The following DPP10 variants were observed in gnomAD, a reference collection of about 807,000 sequenced individuals.
The protein encoded by DPP10 is inactive dipeptidyl peptidase 10.
DPP10 carries 33 observed loss-of-function variants against 120.9 expected under a neutral mutation model. The observed-to-expected ratio is 0.27, with a 90% CI of 0.21 to 0.37. The LOEUF (loss-of-function observed/expected upper bound fraction) is 0.37, where lower values mean the gene tolerates loss of function less well. Ranked by LOEUF, DPP10 falls within the 10% of genes least tolerant of loss-of-function variation. The pLI is 1.00. For synonymous variants in DPP10, 337 were observed against 326.1 expected, an observed-to-expected ratio of 1.03 and a Z score of -0.36; for missense variants, 816 against 942.8, an observed-to-expected ratio of 0.87 and a Z score of 1.76.
intron 5 of DPP10, among the ~76,000 whole-genome samples, chr2:115,535,496 T>C (rs954887838): frequency 6.6e-6 from 1 of 151,778 alleles, no homozygotes; most frequent in African/African-American, 2.4e-5. Context: ...ACCACTACCA[T>C]GCTGTTTTGG....
chr2:115,609,018 A>G (rs1273610185), intron 5 of DPP10, among the ~76,000 whole-genome samples: 1 of 152,168 alleles, frequency 6.6e-6, no homozygotes, highest in African/African-American at 2.4e-5. Context: ...GAAACAATCT[A>G]TGAACAATAG....
chr2:114,765,457 G>A (rs1160089732), intron 1 of DPP10, among the ~76,000 whole-genome samples: 1 of 152,076 alleles, frequency 6.6e-6, no homozygotes, highest in African/African-American at 2.4e-5. Flanking sequence ...TGAACAAAGA[G>A]GCACTACTAG....
chr2:114,735,047 C>T (rs1164865500), intron 1 of DPP10, among the ~76,000 whole-genome samples: 1 of 152,068 alleles, frequency 6.6e-6, no homozygotes, highest in African/African-American at 2.4e-5. Flanking sequence ...GGGTACCGAT[C>T]AGATTGCATT....
At chr2:115,798,531 G>A (rs1029509459) in intron 19 of DPP10, among the ~76,000 whole-genome samples, 4 of 152,064 alleles carry the variant, frequency 2.6e-5, no homozygotes, top group African/African-American at 9.7e-5. Context: ...GTAAGGCTGT[G>A]TAGCATGTAA....
intron 9 of DPP10, 31 bp downstream of exon 9, chr2:115,739,924 T>TTC (rs774651253): frequency 3.2e-6 from 5 of 1,573,360 alleles, no homozygotes; most frequent in Non-Finnish European, 3.5e-6. Context: ...ATTTTGTTCC[T>TTC]TCTCTCTCTC....
At chr2:115,640,468 GA>G (rs562455576) in intron 5 of DPP10, among the ~76,000 whole-genome samples, 6,848 of 133,644 alleles carry the variant, frequency 0.051, 425 homozygotes, top group African/African-American at 0.16. Flanking sequence ...AAGAAGAAAG[GA>G]AAAAAAAAAA....
intron 1 of DPP10, among the ~76,000 whole-genome samples, chr2:115,245,977 A>G (rs945415615): frequency 1.3e-5 from 2 of 152,174 alleles, no homozygotes; most frequent in African/African-American, 4.8e-5. Flanking sequence ...TTAGAAAAAC[A>G]TATTCAATGA....
intron 1 of DPP10, among the ~76,000 whole-genome samples, chr2:114,593,677 A>G (rs1691646092): frequency 6.6e-6 from 1 of 152,168 alleles, no homozygotes; most frequent in Non-Finnish European, 1.5e-5. Context: ...TGTAGGGTTC[A>G]CATCCATTGT....
At position 115,677,882 on chromosome 2, in the gene DPP10, A is replaced by G. The variant is rs141312773; in HGVS notation, c.442-11805A>G. Among the ~76,000 whole-genome samples the G allele has an allele frequency of 1.3e-3, 201 of 152,358 alleles. 1 individual carries two copies. The highest frequency in any genetic ancestry group is 4.6e-3 in the African/African-American group (191 of 41,582). ...TATCATCTAGACAGAGAGTCAAGAA[A>G]CATAGGTCTTAAACTGCACTTAACA... On this transcript the variant is annotated intron_variant, in intron 5 of 25. Transcript: ENST00000410059.
intron 1 of DPP10, among the ~76,000 whole-genome samples, chr2:115,000,505 T>C (rs1203319484): frequency 1.3e-5 from 2 of 152,180 alleles, no homozygotes; most frequent in African/African-American, 4.8e-5. Flanking sequence ...TATTTAGGAA[T>C]AAATTTGCAT....
At chr2:114,819,700 C>G (rs1212048501) in intron 1 of DPP10, among the ~76,000 whole-genome samples, 1 of 152,164 alleles carries the variant, frequency 6.6e-6, no homozygotes, top group East Asian at 1.9e-4. Flanking sequence ...CAGATTGGTT[C>G]AAATTAACCC....
intron 19 of DPP10, among the ~76,000 whole-genome samples, chr2:115,796,598 C>T (rs1277160176): frequency 2.0e-5 from 3 of 151,980 alleles, no homozygotes; most frequent in Admixed American, 6.6e-5. Flanking sequence ...GAATGAGACG[C>T]GAGTTTCTAA....
intron 5 of DPP10, among the ~76,000 whole-genome samples, chr2:115,653,435 T>G (rs1280101607): frequency 6.6e-6 from 1 of 151,998 alleles, no homozygotes; most frequent in African/African-American, 2.4e-5. Context: ...ACAACAAATC[T>G]GCCATCTACA....
At chr2:115,545,580 A>AG (rs948438985) in intron 5 of DPP10, among the ~76,000 whole-genome samples, 4 of 152,170 alleles carry the variant, frequency 2.6e-5, no homozygotes, top group Admixed American at 6.6e-5. Context: ...TTTGCACAAC[A>AG]GTGAGAGACT....
In DPP10 at chr2:115,782,264, TG is replaced by T. The variant is rs200416819; in HGVS notation, c.1484-82del. On this transcript the variant is annotated intron_variant, in intron 16 of 25. Transcript: ENST00000410059. The stretch of plus-strand genomic sequence containing the variant: ...GTTTTAACCACGAAGTGCTTCCATT[TG>T]GGGGGAAAAAACTATTATGTAAACT... 40 of 1,161,620 alleles carry T rather than the reference TG, an allele frequency of 3.4e-5. No homozygotes were observed. The African/African-American group carries it at 5.3e-4, about 15-fold the overall frequency. 72.0% of individuals were successfully genotyped at this position (1,161,620 alleles called of 1,614,324 possible).
rs113480208 is a variant in DPP10, at chr2:114,592,955, T to A, written c.60+150117T>A. On this transcript the variant is annotated intron_variant, in intron 1 of 25. Transcript: ENST00000410059. ...CCGCTATGTGTTGTTGGTCTTTTTG[T>A]GATTGGTTTATTTAGAATTTCATTT... Among the ~76,000 whole-genome samples, 174 of 152,312 alleles carry A rather than the reference T, an allele frequency of 1.1e-3. 1 individual carries two copies. The highest frequency in any genetic ancestry group is 4.0e-3 in the African/African-American group (165 of 41,572).
intron 1 of DPP10, among the ~76,000 whole-genome samples, chr2:115,284,343 G>A (rs2060279894): frequency 6.6e-6 from 1 of 151,990 alleles, no homozygotes; most frequent in South Asian, 2.1e-4. Flanking sequence ...CAGTTCAACA[G>A]AAAGGGCTCA....
intron 1 of DPP10, among the ~76,000 whole-genome samples, chr2:114,486,587 T>C (rs996541499): frequency 5.9e-5 from 9 of 152,154 alleles, no homozygotes; most frequent in African/African-American, 2.2e-4. Context: ...TACTGTTTTC[T>C]TCATTTGACT....
chr2:115,728,088 A>G (rs1225341965), intron 8 of DPP10, 152 bp downstream of exon 8: 2 of 827,620 alleles, frequency 2.4e-6, no homozygotes, highest in Non-Finnish European at 3.6e-6. Context: ...ATATCTTTGC[A>G]TGTGCTTATA....
Sources: gnomAD v4.1 joint callset for allele counts (sites outside exome capture counted in the v4.1 genomes callset) on GRCh38, gnomAD v4.1.1 for gene constraint, MANE v1.5 for transcripts, NCBI Gene and HGNC (gene_info 2026-07-23, HGNC 2026-07-21) for gene names.